MGAT4A: variants seen among roughly 807,000 people sequenced by gnomAD.
The protein encoded by MGAT4A is alpha-1,3-mannosyl-glycoprotein 4-beta-N-acetylglucosaminyltransferase A.
Under a neutral mutation model 74.1 loss-of-function variants are expected in MGAT4A, and 33 were observed. That is an observed-to-expected ratio of 0.45 (90% confidence interval 0.34 to 0.60). MGAT4A has a LOEUF of 0.60. MGAT4A is among the 20% of genes least tolerant of loss of function. The pLI is 0.02. For missense variants in MGAT4A, 479 were observed against 628.3 expected, an observed-to-expected ratio of 0.76 and a Z score of 2.54; for synonymous variants, 198 against 210.4, an observed-to-expected ratio of 0.94 and a Z score of 0.51.
intron 4 of MGAT4A, among the ~76,000 whole-genome samples, chr2:98,671,135 T>C (rs188547239): frequency 6.6e-6 from 1 of 152,298 alleles, no homozygotes; most frequent in East Asian, 1.9e-4. Flanking sequence ...ATCCAGAACA[T>C]GACTATGTCC....
chr2:98,695,009 C>T (rs1052943803), intron 2 of MGAT4A: 1 of 153,106 alleles, frequency 6.5e-6, no homozygotes, highest in African/African-American at 2.4e-5. Flanking sequence ...ACCCTGAGCT[C>T]ACCTGCCCAC....
chr2:98,704,189 A>G (rs1488548082), intron 2 of MGAT4A, among the ~76,000 whole-genome samples: 1 of 152,224 alleles, frequency 6.6e-6, no homozygotes, highest in Non-Finnish European at 1.5e-5. Context: ...AGCTGAAGAG[A>G]GAAAAAGCAG....
intron 2 of MGAT4A, among the ~76,000 whole-genome samples, chr2:98,723,998 A>G (rs1236045004): frequency 1.3e-5 from 2 of 152,238 alleles, no homozygotes; most frequent in African/African-American, 4.8e-5. Flanking sequence ...ATGAGGATTA[A>G]AATACATATA....
chr2:98,677,854 G>A (rs1375387947), intron 3 of MGAT4A, among the ~76,000 whole-genome samples: 3 of 139,224 alleles, frequency 2.2e-5, no homozygotes, highest in African/African-American at 7.9e-5. Context: ...GTTTTGTGTG[G>A]TGGTTTTTCT....
At chr2:98,697,592 T>C (rs1311203635) in intron 2 of MGAT4A, among the ~76,000 whole-genome samples, 1 of 152,242 alleles carries the variant, frequency 6.6e-6, no homozygotes, top group Non-Finnish European at 1.5e-5. Flanking sequence ...GAAGTAACTG[T>C]CAGGGAAAGA....
intron 6 of MGAT4A, among the ~76,000 whole-genome samples, chr2:98,657,061 C>T (rs1269323010): frequency 6.6e-6 from 1 of 152,212 alleles, no homozygotes; most frequent in Non-Finnish European, 1.5e-5. Context: ...TCCTGCCCCA[C>T]ATTCTACAAT....
chr2:98,640,854 AC>A (rs1208164876), intron 10 of MGAT4A, among the ~76,000 whole-genome samples: 1 of 152,172 alleles, frequency 6.6e-6, no homozygotes, highest in Non-Finnish European at 1.5e-5. Context: ...TAAACTATAG[AC>A]TAGGGGGTTA....
At chr2:98,653,388 C>T (rs1265596241) in intron 8 of MGAT4A, among the ~76,000 whole-genome samples, 1 of 144,192 alleles carries the variant, frequency 6.9e-6, no homozygotes, top group African/African-American at 2.5e-5. Context: ...CCAAAGAAAC[C>T]TAGAGTTGGT....
intron 14 of MGAT4A, among the ~76,000 whole-genome samples, chr2:98,627,314 T>C (rs1417742388): frequency 2.0e-5 from 3 of 152,244 alleles, no homozygotes; most frequent in Admixed American, 6.5e-5. Context: ...AGCACCATTT[T>C]GTCTTGTAAT....
At chr2:98,664,140 G>A (rs1701791787) in intron 4 of MGAT4A, among the ~76,000 whole-genome samples, 1 of 144,820 alleles carries the variant, frequency 6.9e-6, no homozygotes, top group Non-Finnish European at 1.5e-5. Context: ...GGCAGAGGTT[G>A]CAGTGAGCTG....
chr2:98,696,072 G>A (rs1702270051), intron 2 of MGAT4A, among the ~76,000 whole-genome samples: 1 of 151,804 alleles, frequency 6.6e-6, no homozygotes, highest in Admixed American at 6.6e-5. Context: ...TGTAGAGATG[G>A]GGGTCTCACT....
chr2:98,686,174 G>A (rs981974437), intron 2 of MGAT4A, among the ~76,000 whole-genome samples: 1 of 152,092 alleles, frequency 6.6e-6, no homozygotes, highest in Non-Finnish European at 1.5e-5. Flanking sequence ...CAACACATAC[G>A]CATGGATTCT....
Position 98,624,682 on chromosome 2 carries a change from A to G in MGAT4A, c.*884T>C. On this transcript the variant is annotated 3_prime_UTR_variant, in exon 16 of 16. Coordinates refer to ENST00000393487, the MANE Select transcript of MGAT4A (RefSeq NM_012214.3). ...ATTAAAGACAAAGATTAAAAAGGAA[A>G]GAAGAGTTTGTCATTTTACATATCA... 1.0e-6 allele frequency: 1 copy of G among 982,472 alleles called. No homozygotes were observed. 60.9% of individuals were successfully genotyped at this position (982,472 alleles called of 1,614,324 possible). A position where few individuals can be genotyped will look rare whatever the true frequency, so the allele number is the denominator to read the frequency against.
rs189411514 is a variant in MGAT4A at position 98,653,185 on chromosome 2, A to G, written c.774+2260T>C. On this transcript the variant is annotated intron_variant, in intron 8 of 15. Coordinates refer to ENST00000393487, the MANE Select transcript of MGAT4A (RefSeq NM_012214.3). ...AAGCCATACAAAGAGGGAAGTTTAT[A>G]CCAGTAAACATTTACATTAAAAAAA... Among the ~76,000 whole-genome samples the G allele has an allele frequency of 2.0e-4, 31 of 151,870 alleles. No individual in the cohort carries two copies. The East Asian group carries it at 5.4e-3, about 27-fold the overall frequency.
intron 8 of MGAT4A, among the ~76,000 whole-genome samples, chr2:98,646,038 AATTAT>A (rs550939926): frequency 6.6e-6 from 1 of 152,298 alleles, no homozygotes; most frequent in South Asian, 2.1e-4. Flanking sequence ...CAGAATAAAA[AATTAT>A]ATTATTAGGA....
intron 3 of MGAT4A, among the ~76,000 whole-genome samples, chr2:98,677,716 G>A (rs956505536): frequency 4.0e-5 from 6 of 151,436 alleles, no homozygotes; most frequent in African/African-American, 1.5e-4. Context: ...GCCTCCCAAA[G>A]TGCTGGGATT....
In MGAT4A at chr2:98,658,204, T is replaced by C. The variant is rs1559161414; in HGVS notation, c.584+14A>G. 1.3e-6 allele frequency: 2 copies of C among 1,530,086 alleles called. No individual in the cohort carries two copies. Among genetic ancestry groups the C allele is most frequent in the Non-Finnish European group, 1.8e-6 (2 of 1,115,346 alleles). 94.8% of individuals were successfully genotyped at this position (1,530,086 alleles called of 1,614,324 possible). A position where few individuals can be genotyped will look rare whatever the true frequency, so the allele number is the denominator to read the frequency against. ...ACCAAAATATTTGTATGTTTATAAT[T>C]AAGAAGAACTTACTCTTTCTCCAGG... On this transcript the variant is annotated intron_variant, in intron 6 of 15. Transcript: ENST00000393487.
At chr2:98,680,813 T>C (rs1035993860) in intron 2 of MGAT4A, among the ~76,000 whole-genome samples, 1 of 152,194 alleles carries the variant, frequency 6.6e-6, no homozygotes, top group Admixed American at 6.5e-5. Flanking sequence ...TAAACAATTA[T>C]AAGAAGAGAC....
At chr2:98,716,677 A>G (rs1702596022) in intron 2 of MGAT4A, among the ~76,000 whole-genome samples, 1 of 152,180 alleles carries the variant, frequency 6.6e-6, no homozygotes, top group Admixed American at 6.5e-5. Context: ...CTTGCCAAAA[A>G]TGCATTAGAG....
Sources: allele counts gnomAD v4.1 joint callset (sites outside exome capture counted in the v4.1 genomes callset), GRCh38; gene constraint gnomAD v4.1.1; transcripts MANE v1.5; gene names NCBI Gene and HGNC (gene_info 2026-07-23, HGNC 2026-07-21).